CAMTA1: variants seen among roughly 807,000 people sequenced by gnomAD.
CAMTA1 encodes calmodulin-binding transcription activator 1.
In CAMTA1, 27 loss-of-function variants were observed where a neutral mutation model predicts 170.9. The observed-to-expected ratio is 0.16, with a 90% CI of 0.12 to 0.22. The LOEUF is 0.22. CAMTA1 is among the 10% of genes least tolerant of loss of function. The pLI, the probability that CAMTA1 is intolerant of heterozygous loss-of-function variation, is 1.00. For synonymous variants in CAMTA1, 833 were observed against 891.5 expected (o/e 0.93, Z 1.17); for missense variants, 1,619 against 2,217.2 (o/e 0.73, Z 5.42).
chr1:7,477,681 C>T (rs747420397), intron 6 of CAMTA1, among the ~76,000 whole-genome samples: 1 of 152,216 alleles, frequency 6.6e-6, no homozygotes, highest in Non-Finnish European at 1.5e-5. Context: ...TTCCTTCCTT[C>T]ACCCCTCCCC....
chr1:7,746,116 T>C (rs1375378801), intron 18 of CAMTA1, 25 bp downstream of exon 18: 1 of 1,606,484 alleles, frequency 6.2e-7, no homozygotes, highest in Non-Finnish European at 8.5e-7. Flanking sequence ...AACCTTCGTT[T>C]TGTGACATTC....
At chr1:7,600,330 G>A (rs1360984319) in intron 6 of CAMTA1, among the ~76,000 whole-genome samples, 1 of 152,138 alleles carries the variant, frequency 6.6e-6, no homozygotes, top group Non-Finnish European at 1.5e-5. Flanking sequence ...TGTGCTGCTG[G>A]ATTCAGTTTG....
intron 5 of CAMTA1, among the ~76,000 whole-genome samples, chr1:7,401,294 A>G (rs549143538): frequency 3.7e-4 from 56 of 152,302 alleles, no homozygotes; most frequent in African/African-American, 1.3e-3. Context: ...TTGCCTTTGC[A>G]CTTTTGTTGA....
intron 3 of CAMTA1, among the ~76,000 whole-genome samples, chr1:7,083,720 G>T (rs1424972847): frequency 6.6e-6 from 1 of 152,124 alleles, no homozygotes; most frequent in East Asian, 1.9e-4. Flanking sequence ...GGTGGATTCT[G>T]GGAAAACTTG....
chr1:6,816,992 T>C (rs762363803), intron 1 of CAMTA1, among the ~76,000 whole-genome samples: 1 of 152,234 alleles, frequency 6.6e-6, no homozygotes, highest in Non-Finnish European at 1.5e-5. Flanking sequence ...GTTTCTTTCC[T>C]AGTTAACTAT....
At chr1:6,925,119 G>A (rs909175541) in intron 3 of CAMTA1, among the ~76,000 whole-genome samples, 4 of 152,230 alleles carry the variant, frequency 2.6e-5, no homozygotes, top group African/African-American at 9.6e-5. Flanking sequence ...GTGGGCAGGG[G>A]GCCCAAGGGC....
intron 4 of CAMTA1, among the ~76,000 whole-genome samples, chr1:7,152,775 GC>G (rs930123204): frequency 2.0e-5 from 3 of 152,206 alleles, no homozygotes; most frequent in African/African-American, 7.2e-5. Context: ...GCCTCATGTG[GC>G]CATGTCGTGT....
At chr1:7,661,909 AG>A (rs1177223495) in intron 8 of CAMTA1, 43 bp downstream of exon 8, 18 of 1,560,352 alleles carry the variant, frequency 1.2e-5, no homozygotes, top group Non-Finnish European at 1.6e-5. Flanking sequence ...ACGGGGACAG[AG>A]GGGCCCTACC....
rs1175809303 is a variant in CAMTA1 at position 7,547,861 on chromosome 1, G to A, written c.510+79960G>A. On this transcript the variant is annotated intron_variant, in intron 6 of 22. Coordinates refer to ENST00000303635, the MANE Select transcript of CAMTA1 (RefSeq NM_015215.4). The surrounding 1 kb of genome is among the most constrained non-coding windows in gnomAD (Gnocchi z 5.7). Reference sequence around the variant, plus strand: ...CCAAACCCAGACTCTGACACCCCTTGCAAGGGCACTCCACTGTGTGGACCC... The same window carrying A: ...CCAAACCCAGACTCTGACACCCCTTACAAGGGCACTCCACTGTGTGGACCC... Among the ~76,000 whole-genome samples the A allele has an allele frequency of 6.6e-6, 1 of 151,998 alleles. No individual in the cohort carries two copies. Among genetic ancestry groups the A allele is most frequent in the East Asian group, 1.9e-4 (1 of 5,174 alleles).
At chr1:7,507,944 C>T (rs1316736689) in intron 6 of CAMTA1, among the ~76,000 whole-genome samples, 2 of 152,248 alleles carry the variant, frequency 1.3e-5, no homozygotes, top group Non-Finnish European at 2.9e-5. Context: ...GGTCCAAGCC[C>T]CAGGGCTTTG....
At chr1:7,715,556 C>T (rs11581700) in intron 11 of CAMTA1, among the ~76,000 whole-genome samples, 2 of 152,116 alleles carry the variant, frequency 1.3e-5, no homozygotes, top group Non-Finnish European at 2.9e-5. Context: ...CCTCAGCCTC[C>T]CAAAGCGCTG....
intron 11 of CAMTA1, among the ~76,000 whole-genome samples, chr1:7,705,153 G>T (rs1475821607): frequency 6.6e-6 from 1 of 151,646 alleles, no homozygotes; most frequent in South Asian, 2.1e-4. Context: ...CGAGTGGGAA[G>T]TGTGGGGATC....
chr1:6,949,533 A>G (rs1688119256), intron 3 of CAMTA1, among the ~76,000 whole-genome samples: 1 of 152,184 alleles, frequency 6.6e-6, no homozygotes. Flanking sequence ...GCGCTGACGA[A>G]GCTGTAAAGT....
At chr1:6,969,569 C>T (rs1692183630) in intron 3 of CAMTA1, among the ~76,000 whole-genome samples, 1 of 152,184 alleles carries the variant, frequency 6.6e-6, no homozygotes, top group African/African-American at 2.4e-5. Context: ...CCTTGGACTT[C>T]AGGCTTGTTC....
At chr1:7,094,757 A>G (rs1180552420) in intron 4 of CAMTA1, among the ~76,000 whole-genome samples, 5 of 152,176 alleles carry the variant, frequency 3.3e-5, no homozygotes, top group Admixed American at 3.3e-4. Flanking sequence ...AACAGAGCTG[A>G]ATGCTGAACG....
rs928279955 is a variant in CAMTA1, at chr1:7,333,944, G to A, written c.438+84318G>A. 6.6e-6 allele frequency among the ~76,000 whole-genome samples: 1 copy of A among 152,112 alleles called. No individual in the cohort carries two copies. The highest frequency in any genetic ancestry group is 2.4e-5 in the African/African-American group (1 of 41,408). On this transcript the variant is annotated intron_variant, in intron 5 of 22. Transcript: ENST00000303635. The surrounding 1 kb of genome is among the most constrained non-coding windows in gnomAD (Gnocchi z 4.4). Reference sequence around the variant, plus strand: ...TTGGAAACTGCCAAGCAGCAGGGCCGCCTCTCTTTAGACTCCTGGGGCTCT... The same window carrying A: ...TTGGAAACTGCCAAGCAGCAGGGCCACCTCTCTTTAGACTCCTGGGGCTCT...
intron 6 of CAMTA1, among the ~76,000 whole-genome samples, chr1:7,486,182 C>T (rs2093614962): frequency 1.3e-5 from 2 of 152,116 alleles, no homozygotes; most frequent in South Asian, 4.1e-4. Flanking sequence ...AGATTTTGTC[C>T]TGCAAAGCAG....
intron 1 of CAMTA1, among the ~76,000 whole-genome samples, chr1:6,793,692 C>G (rs2148076373): frequency 6.6e-6 from 1 of 152,166 alleles, no homozygotes; most frequent in South Asian, 2.1e-4. Flanking sequence ...CAGATACAAC[C>G]AGAGGTATTC....
At chr1:7,130,582 A>G (rs1031605839) in intron 4 of CAMTA1, among the ~76,000 whole-genome samples, 1 of 152,220 alleles carries the variant, frequency 6.6e-6, no homozygotes, top group African/African-American at 2.4e-5. Flanking sequence ...CCAGCAGTGT[A>G]TGTGAGAGTT....
Sources: allele counts gnomAD v4.1 joint callset (sites outside exome capture counted in the v4.1 genomes callset), GRCh38; gene constraint gnomAD v4.1.1; non-coding constraint Gnocchi (gnomAD v3.1); transcripts MANE v1.5; gene names NCBI Gene and HGNC (gene_info 2026-07-23, HGNC 2026-07-21).